The following GABRB2 variants were observed in gnomAD, a reference collection of about 807,000 sequenced individuals.
GABRB2 encodes the protein gamma-aminobutyric acid type A receptor subunit beta2.
In GABRB2, 16 loss-of-function variants were observed where a neutral mutation model predicts 54.7. That is an observed-to-expected ratio of 0.29 (90% CI 0.20 to 0.44). GABRB2 has a LOEUF of 0.44. GABRB2 is among the 20% of genes least tolerant of loss of function. The pLI, the probability that GABRB2 is intolerant of heterozygous loss-of-function variation, is 1.00. For missense variants in GABRB2, 355 were observed against 644.0 expected (o/e 0.55, Z 4.86); for synonymous variants, 244 against 233.8 (o/e 1.04, Z -0.40).
intron 5 of GABRB2, among the ~76,000 whole-genome samples, chr5:161,399,848 T>C (rs1756129452): frequency 6.6e-6 from 1 of 152,140 alleles, no homozygotes; most frequent in African/African-American, 2.4e-5. Context: ...ATAAGAGGGT[T>C]GGGTGAGATC....
At position 161,385,019 on chromosome 5, in the gene GABRB2, A is replaced by G. The variant is rs140327643; in HGVS notation, c.541+25956T>C. ...TCCCCTTTAAATATGCTTTTCCAAGACCACAGCCCAGGCACCCATGAAGTC... is the reference window on the plus strand; with the variant it reads ...TCCCCTTTAAATATGCTTTTCCAAGGCCACAGCCCAGGCACCCATGAAGTC... On this transcript the variant is annotated intron_variant, in intron 5 of 9. Transcript: ENST00000393959. Among the ~76,000 whole-genome samples the G allele has an allele frequency of 2.9e-3, 440 of 152,252 alleles. 6 individuals carry two copies. Among genetic ancestry groups the G allele is most frequent in the Admixed American group, 0.011 (170 of 15,284 alleles).
chr5:161,490,104 T>C (rs1759055457), intron 3 of GABRB2, among the ~76,000 whole-genome samples: 1 of 151,800 alleles, frequency 6.6e-6, no homozygotes, highest in South Asian at 2.1e-4. Context: ...GTCTCAGCTG[T>C]AAATGTGTTT....
intron 4 of GABRB2, among the ~76,000 whole-genome samples, chr5:161,437,547 G>A (rs984486257): frequency 1.3e-5 from 2 of 151,890 alleles, no homozygotes; most frequent in Admixed American, 6.6e-5. Flanking sequence ...TCTTGCTGGC[G>A]TCAGGTAACA....
chr5:161,475,288 T>C (rs1225550050), intron 3 of GABRB2, among the ~76,000 whole-genome samples: 1 of 152,014 alleles, frequency 6.6e-6, no homozygotes, highest in Non-Finnish European at 1.5e-5. Context: ...TAAGTCTACA[T>C]GTGGGAAGAC....
At chr5:161,530,990 T>C (rs1179010262) in intron 3 of GABRB2, among the ~76,000 whole-genome samples, 1 of 152,154 alleles carries the variant, frequency 6.6e-6, no homozygotes, top group Non-Finnish European at 1.5e-5. Context: ...CTTCAGTCTA[T>C]TAACTCAAAT....
intron 9 of GABRB2, among the ~76,000 whole-genome samples, chr5:161,310,982 G>A (rs149798093): frequency 5.7e-4 from 86 of 152,042 alleles, no homozygotes; most frequent in African/African-American, 2.1e-3. Context: ...AGATGGTCTC[G>A]ATCTCCTCAC....
In GABRB2 at chr5:161,311,592, T is replaced by A. The variant is rs566907513; in HGVS notation, c.1191+14776A>T. On this transcript the variant is annotated intron_variant, in intron 9 of 9. Coordinates refer to ENST00000393959, the MANE Select transcript of GABRB2 (RefSeq NM_001371727.1). ...TTGACCAGCTGGTCTCAGACTCAAC[T>A]ACAGAATCCTCAGTGTAGTTCTCAA... 5.9e-5 allele frequency among the ~76,000 whole-genome samples: 9 copies of A among 152,346 alleles called. No homozygotes were observed. In the South Asian group the frequency reaches 1.9e-3, roughly 32 times the overall value.
chr5:161,318,838 TA>T (rs1221968530), intron 9 of GABRB2, among the ~76,000 whole-genome samples: 1 of 151,980 alleles, frequency 6.6e-6, no homozygotes, highest in Admixed American at 6.6e-5. Flanking sequence ...ATTTTACCTT[TA>T]AAAAATACTT....
At chr5:161,414,795 A>C (rs1756618239) in intron 4 of GABRB2, among the ~76,000 whole-genome samples, 1 of 151,980 alleles carries the variant, frequency 6.6e-6, no homozygotes, top group Admixed American at 6.6e-5. Context: ...GGGATCAATA[A>C]ACATAAGCAT....
intron 5 of GABRB2, among the ~76,000 whole-genome samples, chr5:161,394,085 A>T (rs1755921591): frequency 6.6e-6 from 1 of 152,072 alleles, no homozygotes; most frequent in Non-Finnish European, 1.5e-5. Context: ...AACGCCTACT[A>T]ACTGGAAGTA....
At chr5:161,440,867 G>A (rs567531973) in intron 4 of GABRB2, among the ~76,000 whole-genome samples, 5 of 152,172 alleles carry the variant, frequency 3.3e-5, no homozygotes, top group African/African-American at 1.2e-4. Context: ...ACTTACTGGC[G>A]AAAATACAAT....
Position 161,362,189 on chromosome 5 carries a change from T to C in GABRB2, c.542-25420A>G, listed in dbSNP as rs527968194. Among the ~76,000 whole-genome samples, 11 of 152,310 alleles carry C rather than the reference T, an allele frequency of 7.2e-5. No homozygotes were observed. In the East Asian group the frequency reaches 2.1e-3, roughly 29 times the overall value. On this transcript the variant is annotated intron_variant, in intron 5 of 9. Coordinates refer to ENST00000393959, the MANE Select transcript of GABRB2 (RefSeq NM_001371727.1). ...TTTTGATTGCTGTAGCCATGTAGCATAATTTGAAGTCAGGTAGCGTGATGC... is the reference window on the plus strand; with the variant it reads ...TTTTGATTGCTGTAGCCATGTAGCACAATTTGAAGTCAGGTAGCGTGATGC...
At chr5:161,467,644 A>G (rs13172745) in intron 3 of GABRB2, among the ~76,000 whole-genome samples, 3,407 of 152,202 alleles carry the variant, frequency 0.022, 59 homozygotes, top group Non-Finnish European at 0.034. Context: ...CAAAAATATG[A>G]CACAACAGGA....
chr5:161,544,811 G>A (rs1325665732), intron 3 of GABRB2, among the ~76,000 whole-genome samples: 1 of 151,988 alleles, frequency 6.6e-6, no homozygotes, highest in African/African-American at 2.4e-5. Context: ...GTATTCCAGG[G>A]CCTTTATTAG....
chr5:161,469,412 G>C (rs1758371397), intron 3 of GABRB2, among the ~76,000 whole-genome samples: 1 of 151,554 alleles, frequency 6.6e-6, no homozygotes, highest in Non-Finnish European at 1.5e-5. Flanking sequence ...CAAAAAGTAA[G>C]AGCACCAATT....
chr5:161,503,565 G>A (rs996675973), intron 3 of GABRB2, among the ~76,000 whole-genome samples: 1 of 151,854 alleles, frequency 6.6e-6, no homozygotes. Flanking sequence ...AAAGTTAGCC[G>A]GGCATGGTGG....
At chr5:161,295,140 G>T (rs1392817080) in intron 9 of GABRB2, among the ~76,000 whole-genome samples, 1 of 152,214 alleles carries the variant, frequency 6.6e-6, no homozygotes, top group East Asian at 1.9e-4. Context: ...TCCACTGTTG[G>T]TGGGGAGGGC....
chr5:161,409,419 T>C (rs1206085362), intron 5 of GABRB2, among the ~76,000 whole-genome samples: 3 of 152,134 alleles, frequency 2.0e-5, no homozygotes, highest in Admixed American at 2.0e-4. Flanking sequence ...AGAAAAACAC[T>C]TGGGTGTTGC....
intron 3 of GABRB2, among the ~76,000 whole-genome samples, chr5:161,541,777 C>G (rs1451076624): frequency 2.6e-5 from 4 of 152,186 alleles, no homozygotes; most frequent in African/African-American, 9.7e-5. Flanking sequence ...AAACTTTCTC[C>G]ATATCATCAG....
Sources: allele counts gnomAD v4.1 joint callset (sites outside exome capture counted in the v4.1 genomes callset), GRCh38; gene constraint gnomAD v4.1.1; transcripts MANE v1.5; gene names NCBI Gene and HGNC (gene_info 2026-07-23, HGNC 2026-07-21).